Variants in SPPL3 observed in about 807,000 individuals in gnomAD.
The protein encoded by SPPL3 is signal peptide peptidase-like 3.
A neutral mutation model predicts 42.4 loss-of-function variants in SPPL3; 5 were observed. The observed-to-expected ratio is 0.12, with a 90% CI of 0.06 to 0.25. The LOEUF (loss-of-function observed/expected upper bound fraction) is 0.25, where lower values mean the gene tolerates loss of function less well. Ranked by LOEUF, SPPL3 falls within the 10% of genes least tolerant of loss-of-function variation. The pLI is 1.00. For synonymous variants in SPPL3, 195 were observed against 181.8 expected (o/e 1.07, Z -0.58); for missense variants, 235 against 489.0 (o/e 0.48, Z 4.90).
At chr12:120,837,821 TAC>T (rs199999285) in intron 1 of SPPL3, among the ~76,000 whole-genome samples, 4 of 151,214 alleles carry the variant, frequency 2.6e-5, no homozygotes, top group African/African-American at 4.8e-5. Flanking sequence ...AGCTGTTACA[TAC>T]ACACACACAC....
intron 1 of SPPL3, among the ~76,000 whole-genome samples, chr12:120,842,959 T>C (rs2137027389): frequency 6.6e-6 from 1 of 152,338 alleles, no homozygotes; most frequent in South Asian, 2.1e-4. Context: ...GAGGAGGCAG[T>C]ACACATACAA....
At chr12:120,843,850 T>C (rs567834166) in intron 1 of SPPL3, among the ~76,000 whole-genome samples, 3 of 152,152 alleles carry the variant, frequency 2.0e-5, no homozygotes, top group South Asian at 2.1e-4. Flanking sequence ...CCCAGCTACC[T>C]GGGAGGCTGA....
At chr12:120,847,927 G>A (rs1157930027) in intron 1 of SPPL3, among the ~76,000 whole-genome samples, 1 of 152,124 alleles carries the variant, frequency 6.6e-6, no homozygotes, top group African/African-American at 2.4e-5. Context: ...CGAGAGAAAG[G>A]AGATAATCAC....
At chr12:120,828,405 T>TAAA (rs33981750) in intron 1 of SPPL3, among the ~76,000 whole-genome samples, 45 of 151,638 alleles carry the variant, frequency 3.0e-4, no homozygotes, top group Middle Eastern at 6.8e-3. Flanking sequence ...GTTTTTGCCT[T>TAAA]AAAAAAAACT....
intron 2 of SPPL3, among the ~76,000 whole-genome samples, chr12:120,806,550 TAAAG>T (rs1199892369): frequency 3.9e-5 from 6 of 152,094 alleles, no homozygotes; most frequent in African/African-American, 1.2e-4. Context: ...TAAAACTTCT[TAAAG>T]AAAACGTAGG....
intron 1 of SPPL3, among the ~76,000 whole-genome samples, chr12:120,867,110 G>C (rs916401010): frequency 9.2e-5 from 14 of 151,956 alleles, no homozygotes; most frequent in African/African-American, 2.7e-4. Context: ...ATTTATCTTG[G>C]AACAGGCTAT....
intron 1 of SPPL3, among the ~76,000 whole-genome samples, chr12:120,899,449 T>A (rs1173794523): frequency 6.6e-6 from 1 of 152,168 alleles, no homozygotes; most frequent in Non-Finnish European, 1.5e-5. Flanking sequence ...CTCAGTAGGG[T>A]CTATGTGTAC....
chr12:120,813,754 T>C (rs1175999864), intron 1 of SPPL3, among the ~76,000 whole-genome samples: 1 of 152,110 alleles, frequency 6.6e-6, no homozygotes, highest in Non-Finnish European at 1.5e-5. Flanking sequence ...GAAATCCAAC[T>C]CAGAGTAACT....
intron 3 of SPPL3, among the ~76,000 whole-genome samples, chr12:120,789,451 CAA>C (rs60082359): frequency 1.0e-5 from 1 of 96,186 alleles, no homozygotes; most frequent in African/African-American, 4.0e-5. Context: ...GACTCTGTCT[CAA>C]AAAAAAAAAG....
rs71453512 is a variant in SPPL3, at chr12:120,871,130, C to CAAA, written c.23+32712_23+32714dup. 7.2e-4 allele frequency among the ~76,000 whole-genome samples: 37 copies of CAAA among 51,674 alleles called. 2 individuals carry two copies. Among genetic ancestry groups the CAAA allele is most frequent in the East Asian group, 3.0e-3 (3 of 996 alleles). The allele number at this position is 51,674 out of a possible 152,430, so 33.9% of individuals were successfully genotyped here. A position where few individuals can be genotyped will look rare whatever the true frequency, so the allele number is the denominator to read the frequency against. On this transcript the variant is annotated intron_variant, in intron 1 of 10. Coordinates refer to ENST00000353487, the MANE Select transcript of SPPL3 (RefSeq NM_139015.5). Reference sequence around the variant, plus strand: ...GGGCGACAGAGTGAGACTCCGTCTCCAAAAAAAAAAAAAAAAAAAGAAAAA... The same window carrying CAAA: ...GGGCGACAGAGTGAGACTCCGTCTCCAAAAAAAAAAAAAAAAAAAAAAGAAAAA...
intron 5 of SPPL3, 59 bp from the exon 6 acceptor site, chr12:120,782,826 T>C: frequency 7.9e-7 from 1 of 1,258,674 alleles, no homozygotes; most frequent in Non-Finnish European, 1.1e-6. Context: ...AACCAAATTC[T>C]CCTTTGGTAT....
At chr12:120,810,752 G>T in intron 2 of SPPL3, 57 bp downstream of exon 2, 8 of 1,370,608 alleles carry the variant, frequency 5.8e-6, no homozygotes, top group Non-Finnish European at 8.3e-6. Context: ...CACTTTCAGA[G>T]CAATGCTTCC....
chr12:120,796,441 C>A (rs146874938), intron 2 of SPPL3, among the ~76,000 whole-genome samples: 6 of 152,246 alleles, frequency 3.9e-5, no homozygotes, highest in Middle Eastern at 3.4e-3. Context: ...ACAATTATAT[C>A]TGTTTTGATG....
chr12:120,859,731 G>A (rs1299585226), intron 1 of SPPL3, among the ~76,000 whole-genome samples: 1 of 152,044 alleles, frequency 6.6e-6, no homozygotes, highest in African/African-American at 2.4e-5. Context: ...ATCACCTGAG[G>A]TCAGGAGTTC....
intron 2 of SPPL3, among the ~76,000 whole-genome samples, chr12:120,805,938 T>G (rs1829391565): frequency 6.7e-6 from 1 of 149,648 alleles, no homozygotes; most frequent in Middle Eastern, 3.6e-3. Flanking sequence ...TGAACATCAT[T>G]AAGATAGCAA....
chr12:120,826,892 T>C (rs1871245281), intron 1 of SPPL3, among the ~76,000 whole-genome samples: 1 of 152,092 alleles, frequency 6.6e-6, no homozygotes, highest in Admixed American at 6.5e-5. Context: ...ATTTATGAAT[T>C]TTCTAATTAA....
intron 1 of SPPL3, among the ~76,000 whole-genome samples, chr12:120,862,415 C>A (rs1872639946): frequency 6.6e-6 from 1 of 152,140 alleles, no homozygotes; most frequent in African/African-American, 2.4e-5. Context: ...ATTTCAGGTG[C>A]CGGTATCAAG....
At chr12:120,832,889 G>C (rs2137019267) in intron 1 of SPPL3, among the ~76,000 whole-genome samples, 1 of 152,202 alleles carries the variant, frequency 6.6e-6, no homozygotes, top group Admixed American at 6.5e-5. Flanking sequence ...GTTTTACTGA[G>C]CACTTCCAAA....
At chr12:120,798,836 A>G (rs147183023) in intron 2 of SPPL3, among the ~76,000 whole-genome samples, 1 of 152,242 alleles carries the variant, frequency 6.6e-6, no homozygotes, top group East Asian at 1.9e-4. Flanking sequence ...TTGGCATTAT[A>G]TCGCTATTCT....
Sources: allele counts gnomAD v4.1 joint callset (sites outside exome capture counted in the v4.1 genomes callset), GRCh38; gene constraint gnomAD v4.1.1; transcripts MANE v1.5; gene names NCBI Gene and HGNC (gene_info 2026-07-23, HGNC 2026-07-21).